Variants in TRNP1 observed in about 807,000 individuals in gnomAD.
TRNP1 encodes TMF1 regulated nuclear protein 1.
In TRNP1, 16 loss-of-function variants were observed where a neutral mutation model predicts 12.2. That is an observed-to-expected ratio of 1.31 (90% CI 0.89 to 1.99). The LOEUF is 1.99. Ranked by LOEUF, TRNP1 falls within the 30% of genes most tolerant of loss-of-function variation. TRNP1 has a pLI of 0.00. For missense variants in TRNP1, 338 were observed against 330.4 expected (o/e 1.02, Z -0.18); for synonymous variants, 139 against 166.2 (o/e 0.84, Z 1.26).
At chr1:26,998,343 G>A (rs745672768) in intron 1 of TRNP1, among the ~76,000 whole-genome samples, 5 of 152,178 alleles carry the variant, frequency 3.3e-5, no homozygotes, top group African/African-American at 4.8e-5. Context: ...TCACTATCAG[G>A]ATAAAAGACC....
At position 26,994,163 on chromosome 1, in the gene TRNP1, G is replaced by C. The variant is rs2082532929; in HGVS notation, c.377G>C (p.Arg126Pro). 1.7e-5 allele frequency: 22 copies of C among 1,292,702 alleles called. No homozygotes were observed. Among genetic ancestry groups the C allele is most frequent in the South Asian group, 2.1e-5 (1 of 47,400 alleles). 80.1% of individuals were successfully genotyped at this position (1,292,702 alleles called of 1,614,324 possible). A position where few individuals can be genotyped will look rare whatever the true frequency, so the allele number is the denominator to read the frequency against. The stretch of plus-strand genomic sequence containing the variant: ...CGCCTGGTGTCGGAGCTGGAGAGCC[G>C]CGTGCTGCAGCTGCACCGCGTTTTC... ...RRRLVSELES[R>P]VLQLHRVFLA... Residue 126 changes from arginine to proline, a missense_variant, in exon 1 of 2, where the codon CGC (arginine) becomes CCC (proline). Transcript: ENST00000522111. This position sits in a 1 kb window ranked among gnomAD's most constrained non-coding sequence, Gnocchi z 6.9.
rs555174879 is a variant in TRNP1, at chr1:26,994,594, C to T, written c.*124C>T. The T allele has an allele frequency of 1.5e-5, 11 of 732,272 alleles. No individual in the cohort carries two copies. The African/African-American group carries it at 2.1e-4, about 14-fold the overall frequency. The allele number at this position is 732,272 out of a possible 1,614,324, so 45.4% of individuals were successfully genotyped here. A position where few individuals can be genotyped will look rare whatever the true frequency, so the allele number is the denominator to read the frequency against. On this transcript the variant is annotated 3_prime_UTR_variant, in exon 1 of 2. Coordinates refer to ENST00000522111, the MANE Select transcript of TRNP1 (RefSeq NM_001013642.3). The surrounding 1 kb of genome is among the most constrained non-coding windows in gnomAD (Gnocchi z 6.9). ...GGAAGAGGCAGTTGGGGGCCAGGGG[C>T]CCAGTAGAGGAGGCTGAGGTGCGGT...
intron 1 of TRNP1, among the ~76,000 whole-genome samples, chr1:26,999,210 C>G (rs2082560490): frequency 6.6e-6 from 1 of 152,096 alleles, no homozygotes; most frequent in Non-Finnish European, 1.5e-5. Context: ...AGGGTGAAAT[C>G]CCATCTCTAC....
At chr1:26,998,994 G>A (rs2082559641) in intron 1 of TRNP1, among the ~76,000 whole-genome samples, 1 of 152,202 alleles carries the variant, frequency 6.6e-6, no homozygotes, top group African/African-American at 2.4e-5. Context: ...GGTATTGGAA[G>A]GGACATGAGA....
Position 26,993,924 on chromosome 1 carries a change from G to A in TRNP1, c.138G>A (p.Pro46=), listed in dbSNP as rs2082530823. The change falls in exon 1 of 2, where the codon CCG becomes CCA. Residue 46 remains proline, a synonymous_variant. Coordinates refer to ENST00000522111, the MANE Select transcript of TRNP1 (RefSeq NM_001013642.3). The part of the protein sequence containing the change: ...PPPTPTLTPT[P]TPGQSPPLPD... Reference sequence around the variant, plus strand: ...CAACTCCGACCTTGACTCCTACCCCGACCCCGGGTCAGTCCCCGCCGCTGC... The same window carrying A: ...CAACTCCGACCTTGACTCCTACCCCAACCCCGGGTCAGTCCCCGCCGCTGC... 3 of 1,363,630 alleles carry A rather than the reference G, an allele frequency of 2.2e-6. No individual in the cohort carries two copies. The highest frequency in any genetic ancestry group is 1.5e-5 in the African/African-American group (1 of 65,514). The allele number at this position is 1,363,630 out of a possible 1,614,324, so 84.5% of individuals were successfully genotyped here.
In TRNP1 at chr1:26,994,190, TGGC is replaced by T; in HGVS notation, c.408_410del (p.Ala137del). 7.7e-7 allele frequency: 1 copy of T among 1,296,102 alleles called. No homozygotes were observed. Among genetic ancestry groups the T allele is most frequent in the Non-Finnish European group, 9.8e-7 (1 of 1,017,180 alleles). The allele number at this position is 1,296,102 out of a possible 1,614,324, so 80.3% of individuals were successfully genotyped here. A position where few individuals can be genotyped will look rare whatever the true frequency, so the allele number is the denominator to read the frequency against. On this transcript the variant is annotated inframe_deletion, in exon 1 of 2. Transcript: ENST00000522111. The surrounding 1 kb of genome is among the most constrained non-coding windows in gnomAD (Gnocchi z 6.9). ...GTGCTGCAGCTGCACCGCGTTTTCT[TGGC>T]GGCCGAGCTGCGCCTGGCGCACCGC...
In TRNP1 at chr1:26,994,070, G is replaced by A; in HGVS notation, c.284G>A (p.Gly95Glu). 2 of 1,218,952 alleles carry A rather than the reference G, an allele frequency of 1.6e-6. No individual in the cohort carries two copies. Among genetic ancestry groups the A allele is most frequent in the Non-Finnish European group, 2.0e-6 (2 of 980,844 alleles). The allele number at this position is 1,218,952 out of a possible 1,614,324, so 75.5% of individuals were successfully genotyped here. ...GGAGGGGGCTCTGGCGCGGCTGCGG[G>A]GGCGGGGGGCCGCGCGCTGGAGCTG... ...GPGGGSGAAA[G>E]AGGRALELAE... Residue 95 changes from glycine to glutamate, a missense_variant, in exon 1 of 2, where the codon GGG (glycine) becomes GAG (glutamate). Physicochemically the swap from Gly to Glu is moderately conservative, Grantham distance 98 (BLOSUM62 -2). Transcript: ENST00000522111. The surrounding 1 kb of genome is among the most constrained non-coding windows in gnomAD (Gnocchi z 6.9).
intron 1 of TRNP1, among the ~76,000 whole-genome samples, chr1:26,999,531 C>A (rs2082562202): frequency 6.6e-6 from 1 of 152,200 alleles, no homozygotes; most frequent in Admixed American, 6.5e-5. Context: ...GCCTCTGCTT[C>A]TCTAGAGCAT....
chr1:26,999,023 A>C (rs1018343559), intron 1 of TRNP1, among the ~76,000 whole-genome samples: 2 of 152,152 alleles, frequency 1.3e-5, no homozygotes, highest in African/African-American at 4.8e-5. Context: ...GGGTGGCAGA[A>C]GGTGCCCCTC....
intron 1 of TRNP1, among the ~76,000 whole-genome samples, chr1:26,999,477 C>A (rs551739746): frequency 5.1e-4 from 77 of 152,300 alleles, no homozygotes; most frequent in African/African-American, 1.6e-3. Flanking sequence ...CCAATTTGCC[C>A]AGCCCTGGAG....
intron 1 of TRNP1, among the ~76,000 whole-genome samples, chr1:26,997,747 A>AG (rs1323494909): frequency 2.0e-5 from 3 of 152,136 alleles, no homozygotes; most frequent in Non-Finnish European, 4.4e-5. Flanking sequence ...TGGGGCTGGG[A>AG]GACCAGTTCA....
intron 1 of TRNP1, among the ~76,000 whole-genome samples, chr1:26,998,812 G>C (rs2082558043): frequency 6.6e-6 from 1 of 152,210 alleles, no homozygotes. Context: ...CACAGGTGAA[G>C]AAACAGAGAG....
chr1:26,998,636 G>C (rs186884235), intron 1 of TRNP1, among the ~76,000 whole-genome samples: 163 of 152,248 alleles, frequency 1.1e-3, no homozygotes, highest in African/African-American at 3.7e-3. Flanking sequence ...TCCCCCATTG[G>C]TCCTTGACTG....
Position 26,994,889 on chromosome 1 carries a change from C to G in TRNP1, c.*142+277C>G, listed in dbSNP as rs1411132978. Among the ~76,000 whole-genome samples the G allele has an allele frequency of 6.6e-6, 1 of 152,188 alleles. No individual in the cohort carries two copies. Among genetic ancestry groups the G allele is most frequent in the African/African-American group, 2.4e-5 (1 of 41,448 alleles). ...GGAACCTGCCGCACGGATGCAGCAC[C>G]CCCCATCCTCACCCCCACTTGCGTG... On this transcript the variant is annotated intron_variant, in intron 1 of 1. Coordinates refer to ENST00000522111, the MANE Select transcript of TRNP1 (RefSeq NM_001013642.3). The surrounding 1 kb of genome is among the most constrained non-coding windows in gnomAD (Gnocchi z 6.9).
At chr1:26,995,113 AG>A (rs1285520339) in intron 1 of TRNP1, among the ~76,000 whole-genome samples, 1 of 152,218 alleles carries the variant, frequency 6.6e-6, no homozygotes, top group East Asian at 1.9e-4. Flanking sequence ...AGAGAGGTTT[AG>A]GATTTGTTCT....
intron 1 of TRNP1, among the ~76,000 whole-genome samples, chr1:26,998,878 A>C (rs1418520784): frequency 1.3e-5 from 2 of 152,194 alleles, no homozygotes; most frequent in Non-Finnish European, 2.9e-5. Flanking sequence ...GATCTCTTAA[A>C]CATTAGGATA....
chr1:26,994,279 C>T lies in TRNP1; in HGVS notation c.493C>T (p.His165Tyr). 8.5e-7 allele frequency: 1 copy of T among 1,177,606 alleles called. No individual in the cohort carries two copies. Among genetic ancestry groups the T allele is most frequent in the Non-Finnish European group, 1.0e-6 (1 of 952,500 alleles). 72.9% of individuals were successfully genotyped at this position (1,177,606 alleles called of 1,614,324 possible). The change falls in exon 1 of 2, where the codon CAC (histidine) becomes TAC (tyrosine). Residue 165 changes from histidine (H) to tyrosine (Y), a missense_variant. Transcript: ENST00000522111. The surrounding 1 kb of genome is among the most constrained non-coding windows in gnomAD (Gnocchi z 6.9). Reference sequence around the variant, plus strand: ...GCAGGCCGAGCTCTACCTGGCGGCTCACGGGTCGCGCCTCAAGAAGGGCCC... The same window carrying T: ...GCAGGCCGAGCTCTACCTGGCGGCTTACGGGTCGCGCCTCAAGAAGGGCCC... ...VAQAELYLAAHGSRLKKGPRR... is the reference protein window; with the variant it reads ...VAQAELYLAAYGSRLKKGPRR...
At position 26,993,831 on chromosome 1, in the gene TRNP1, G is replaced by C. The variant is rs1362001889; in HGVS notation, c.45G>C (p.Glu15Asp). ...GCGCCTGCGGCCCGGGGGCCCAGGA[G>C]GGGACGGCAGAGCAGAGGTCGCCGC... is the stretch of plus-strand genomic sequence containing the variant. ...RISACGPGAQEGTAEQRSPPP... is the reference protein window; with the variant it reads ...RISACGPGAQDGTAEQRSPPP... The change falls in exon 1 of 2, where the codon GAG becomes GAC. Residue 15 changes from glutamate to aspartate, a missense_variant. Transcript: ENST00000522111. The C allele has an allele frequency of 2.2e-6, 3 of 1,341,700 alleles. No homozygotes were observed. In the African/African-American group the frequency reaches 4.6e-5, roughly 21 times the overall value. 83.1% of individuals were successfully genotyped at this position (1,341,700 alleles called of 1,614,324 possible).
At chr1:26,996,689 G>T (rs186825392) in intron 1 of TRNP1, among the ~76,000 whole-genome samples, 1 of 152,072 alleles carries the variant, frequency 6.6e-6, no homozygotes, top group Non-Finnish European at 1.5e-5. Flanking sequence ...TAAAGTGCTC[G>T]GTGCCATCAC....
Sources: gnomAD v4.1 joint callset for allele counts (sites outside exome capture counted in the v4.1 genomes callset) on GRCh38, gnomAD v4.1.1 for gene constraint, Gnocchi (gnomAD v3.1) non-coding constraint, MANE v1.5 for transcripts, NCBI Gene and HGNC (gene_info 2026-07-23, HGNC 2026-07-21) for gene names.